BCORL1: variants seen among roughly 807,000 people sequenced by gnomAD.
BCORL1 encodes the protein BCL6 corepressor like 1.
A neutral mutation model predicts 87.6 loss-of-function variants in BCORL1; 7 were observed. The observed-to-expected ratio is 0.08, with a 90% CI of 0.05 to 0.15. The LOEUF (loss-of-function observed/expected upper bound fraction) is 0.15. Among genes scored for constraint, BCORL1 ranks in the 10% least tolerant of loss-of-function variants. The pLI, the probability that BCORL1 is intolerant of heterozygous loss-of-function variation, is 1.00. For missense variants in BCORL1, 1,215 were observed against 1,499.7 expected (o/e 0.81, Z 3.13); for synonymous variants, 591 against 634.4 (o/e 0.93, Z 1.03).
Position 130,013,184 on chromosome X carries a change from G to T in BCORL1, c.412G>T (p.Asp138Tyr), listed in dbSNP as rs760915291. 1.7e-6 allele frequency: 2 copies of T among 1,210,552 alleles called. No individual in the cohort carries two copies. Among genetic ancestry groups the T allele is most frequent in the Admixed American group, 2.2e-5 (1 of 45,858 alleles). The change falls in exon 4 of 14, where the codon GAC (aspartate) becomes TAC (tyrosine). Residue 138 changes from aspartate to tyrosine, a missense_variant. By Grantham distance (160) the Asp-to-Tyr change is radical. Coordinates refer to ENST00000540052, the MANE Select transcript of BCORL1 (RefSeq NM_001379451.1). ...CGCCGAGGCCAGCAACAGCAGGGCCGACTGCTCCTGGACTCCACTCAACAC... is the reference window on the plus strand; with the variant it reads ...CGCCGAGGCCAGCAACAGCAGGGCCTACTGCTCCTGGACTCCACTCAACAC... ...DSAEASNSRA[D>Y]CSWTPLNTQM...
chrX:130,043,839 G>A (rs1281938055), intron 11 of BCORL1, among the ~76,000 whole-genome samples: 2 of 79,950 alleles, frequency 2.5e-5, no homozygotes, highest in African/African-American at 4.9e-5. Context: ...GCAGGATCTC[G>A]GCTCACTGCA....
intron 5 of BCORL1, among the ~76,000 whole-genome samples, chrX:130,022,471 C>G (rs1441262856): frequency 9.1e-6 from 1 of 109,309 alleles, no homozygotes; most frequent in Non-Finnish European, 1.9e-5. Flanking sequence ...TGGGCTCGAT[C>G]TCCTGACCTC....
At chrX:130,010,332 T>C (rs1293638456) in intron 2 of BCORL1, among the ~76,000 whole-genome samples, 2 of 112,224 alleles carry the variant, frequency 1.8e-5, no homozygotes, top group Admixed American at 9.4e-5. Context: ...GGGAACACGC[T>C]TCCCCCTGGC....
chrX:130,039,723 C>A (rs1931203940), intron 11 of BCORL1, among the ~76,000 whole-genome samples: 1 of 113,104 alleles, frequency 8.8e-6, no homozygotes, highest in South Asian at 3.6e-4. Context: ...CACAGTGGAA[C>A]CCCTGGGATG....
chrX:130,015,868 C>T lies in BCORL1; in HGVS notation c.3096C>T (p.Gly1032=). The change falls in exon 4 of 14, where the codon GGC becomes GGT. Residue 1032 remains glycine (G), a synonymous_variant. Transcript: ENST00000540052. ...ILDVVPSSRR[G]SSTERPQLGS... ...ACGTGGTTCCGAGCAGCAGGAGGGG[C>T]TCCAGCACAGAGCGCCCACAGCTTG... The T allele has an allele frequency of 8.3e-7, 1 of 1,211,812 alleles. No homozygotes were observed. Among genetic ancestry groups the T allele is most frequent in the South Asian group, 1.8e-5 (1 of 57,007 alleles).
intron 1 of BCORL1, among the ~76,000 whole-genome samples, chrX:129,986,087 G>T (rs1426526912): frequency 8.9e-6 from 1 of 111,772 alleles, no homozygotes; most frequent in Non-Finnish European, 1.9e-5. Flanking sequence ...CTGACCTCAG[G>T]TGATCCATCC....
chrX:130,037,656 G>A, intron 10 of BCORL1, 123 bp downstream of exon 10: 5 of 817,177 alleles, frequency 6.1e-6, no homozygotes, highest in Non-Finnish European at 8.5e-6. Flanking sequence ...ACTTTGGGAG[G>A]CCAAGGCGGG....
chrX:129,982,532 G>T (rs1449017480), upstream of BCORL1: 1 of 105,344 alleles, frequency 9.5e-6, no homozygotes, highest in East Asian at 3.3e-4. Flanking sequence ...GGCGCCGCCC[G>T]CGGACCCAGC....
At position 130,030,317 on chromosome X, in the gene BCORL1, CAG is replaced by C. The variant is rs1405612532; in HGVS notation, c.4305+1457_4305+1458del. ...CCCTTGACCCCCTAGAGTGGGAGGA[CAG>C]GGGCCCAGGGAAAGAGCAGGGAACT... On this transcript the variant is annotated intron_variant, in intron 8 of 13. Coordinates refer to ENST00000540052, the MANE Select transcript of BCORL1 (RefSeq NM_001379451.1). 6.3e-5 allele frequency among the ~76,000 whole-genome samples: 7 copies of C among 111,651 alleles called. No homozygotes were observed. The South Asian group carries it at 2.2e-3, about 36-fold the overall frequency.
Position 130,025,090 on chromosome X carries a change from T to C in BCORL1, c.3789T>C (p.Ala1263=). 8.3e-7 allele frequency: 1 copy of C among 1,211,631 alleles called. No individual in the cohort carries two copies. Among genetic ancestry groups the C allele is most frequent in the Non-Finnish European group, 1.1e-6 (1 of 895,477 alleles). Residue 1263 remains alanine, a synonymous_variant, in exon 7 of 14, where the codon GCT becomes GCC. Transcript: ENST00000540052. ...EEEEEVTPTP[A]KRRKVRKTQR... is the part of the protein sequence containing the mutation. ...AAGAGGAGGTAACCCCCACCCCAGC[T>C]AAGCGTCGAAAGGTGAGAAAGACCC...
Position 130,050,709 on chromosome X carries a change from T to C in BCORL1, c.4841-8T>C. On this transcript the variant is annotated splice_polypyrimidine_tract_variant and splice_region_variant and intron_variant, in intron 11 of 13. Transcript: ENST00000540052. The stretch of plus-strand genomic sequence containing the variant: ...TCCTTGTCTCACTGCCTGCTCTTCT[T>C]TCATCAGATCACCTCTCGGATCTTC... 1 of 1,209,822 alleles carries C rather than the reference T, an allele frequency of 8.3e-7. No homozygotes were observed. Among genetic ancestry groups the C allele is most frequent in the Non-Finnish European group, 1.1e-6 (1 of 893,715 alleles).
At position 130,025,259 on chromosome X, in the gene BCORL1, G is replaced by A; in HGVS notation, c.3958G>A (p.Glu1320Lys). 2 of 1,210,474 alleles carry A rather than the reference G, an allele frequency of 1.7e-6. No individual in the cohort carries two copies. Among genetic ancestry groups the A allele is most frequent in the Non-Finnish European group, 2.2e-6 (2 of 894,852 alleles). Reference protein sequence around the residue: ...QMWDTNEEEEEEEEEGLLKRK... With the variant: ...QMWDTNEEEEKEEEEGLLKRK... ...GTGGGACACCAATGAGGAGGAGGAG[G>A]AAGAAGAGGAGGAGGGCCTGCTGAA... is the stretch of plus-strand genomic sequence containing the variant. Residue 1320 changes from glutamate to lysine, a missense_variant, in exon 7 of 14, where the codon GAA becomes AAA. Coordinates refer to ENST00000540052, the MANE Select transcript of BCORL1 (RefSeq NM_001379451.1).
chrX:130,037,202 G>A (rs766338407), intron 9 of BCORL1, among the ~76,000 whole-genome samples, 165 bp from the exon 10 acceptor site: 139 of 111,295 alleles, frequency 1.2e-3, no homozygotes, highest in Middle Eastern at 4.6e-3. Context: ...CCTGGCAATT[G>A]TGGCTCAGGA....
intron 6 of BCORL1, among the ~76,000 whole-genome samples, chrX:130,024,437 G>A (rs1291065845): frequency 9.0e-6 from 1 of 111,222 alleles, no homozygotes; most frequent in Non-Finnish European, 1.9e-5. Flanking sequence ...TTCTTGCTTC[G>A]CTTTTCTTGA....
intron 4 of BCORL1, among the ~76,000 whole-genome samples, chrX:130,019,727 G>A (rs931563926): frequency 2.7e-5 from 3 of 112,012 alleles, no homozygotes; most frequent in African/African-American, 9.7e-5. Flanking sequence ...GGTACACCAC[G>A]ATAACCTTCT....
rs1569388269 is a variant in BCORL1, at chrX:130,043,749, TATATATA to T, written c.4840+4468_4840+4474del. On this transcript the variant is annotated intron_variant, in intron 11 of 13. Transcript: ENST00000540052. ...GCCACCATGCCCAGCTAATTTGTTA[TATATATA>T]TATATATATATATATATATATATAT... Among the ~76,000 whole-genome samples, 95 of 13,528 alleles carry T rather than the reference TATATATA, an allele frequency of 7.0e-3. 4 individuals are homozygous for T. Among genetic ancestry groups the T allele is most frequent in the African/African-American group, 0.026 (93 of 3,554 alleles). The allele number at this position is 13,528 out of a possible 115,157, so 11.7% of individuals were successfully genotyped here.
At chrX:130,020,303 TC>T (rs1456911253) in intron 4 of BCORL1, among the ~76,000 whole-genome samples, 1 of 111,798 alleles carries the variant, frequency 8.9e-6, no homozygotes, top group Non-Finnish European at 1.9e-5. Flanking sequence ...TAGCTTCTCC[TC>T]CCAGGGTTGT....
chrX:130,019,540 T>C (rs1403486300), intron 4 of BCORL1, among the ~76,000 whole-genome samples: 1 of 112,123 alleles, frequency 8.9e-6, no homozygotes, highest in African/African-American at 3.2e-5. Flanking sequence ...AGGGGGAAAC[T>C]GAACTTGAAT....
At position 130,014,567 on chromosome X, in the gene BCORL1, T is replaced by C; in HGVS notation, c.1795T>C (p.Ser599Pro). ...AACAGAAGGGACTTCCGTTACCTTC[T>C]CTCCTCTTAAGTCACCGCCACAGCT... ...QQTEGTSVTFSPLKSPPQLER... is the reference protein window; with the variant it reads ...QQTEGTSVTFPPLKSPPQLER... The change falls in exon 4 of 14, where the codon TCT becomes CCT. Residue 599 changes from serine to proline, a missense_variant. This residue lies in a region of BCORL1 where 861 missense variants were observed against 1,010.0 expected (regional missense o/e 0.85). Transcript: ENST00000540052. The C allele has an allele frequency of 8.3e-7, 1 of 1,211,014 alleles. No homozygotes were observed. Among genetic ancestry groups the C allele is most frequent in the East Asian group, 3.0e-5 (1 of 33,794 alleles).
Sources: gnomAD v4.1 joint callset for allele counts (sites outside exome capture counted in the v4.1 genomes callset) on GRCh38, gnomAD v4.1.1 for gene constraint, gnomAD v4.1.1 regional missense constraint, MANE v1.5 for transcripts, NCBI Gene and HGNC (gene_info 2026-07-23, HGNC 2026-07-21) for gene names.